The following PLA2G12B variants were observed in gnomAD, a reference collection of about 807,000 sequenced individuals.
PLA2G12B encodes group XIIB secretory phospholipase A2-like protein.
In PLA2G12B, 19 loss-of-function variants were observed where a neutral mutation model predicts 22.3. The observed-to-expected ratio is 0.85, with a 90% CI of 0.60 to 1.25. The LOEUF is 1.25. PLA2G12B is among the 50% of genes most tolerant of loss of function. The pLI, the probability that PLA2G12B is intolerant of heterozygous loss-of-function variation, is 0.00. For missense variants in PLA2G12B, 191 were observed against 246.6 expected (o/e 0.77, Z 1.51); for synonymous variants, 81 against 94.9 (o/e 0.85, Z 0.85).
chr10:72,952,615 C>T (rs1002131034), intron 1 of PLA2G12B, among the ~76,000 whole-genome samples: 1 of 152,198 alleles, frequency 6.6e-6, no homozygotes, highest in African/African-American at 2.4e-5. Flanking sequence ...AAAGATTGCT[C>T]GATTCACAAT....
chr10:72,941,484 A>C (rs1409180703), intron 2 of PLA2G12B, 150 bp from the exon 3 acceptor site: 1 of 698,188 alleles, frequency 1.4e-6, no homozygotes, highest in African/African-American at 1.8e-5. Context: ...CCAATGACTC[A>C]GTAGAATACC....
rs1458580386 is a variant in PLA2G12B, at chr10:72,941,159, A to G, written c.466+10T>C. ...TCCCTGTGCACTGTACGTGCCATTG[A>G]GACACCTACCTTCCACTTTGGAGAC... On this transcript the variant is annotated intron_variant, in intron 3 of 3. Transcript: ENST00000373032. 6.2e-7 allele frequency: 1 copy of G among 1,613,290 alleles called. No individual in the cohort carries two copies. The highest frequency in any genetic ancestry group is 1.1e-5 in the South Asian group (1 of 91,022).
chr10:72,939,822 G>A (rs1156930612), intron 3 of PLA2G12B, among the ~76,000 whole-genome samples: 1 of 152,242 alleles, frequency 6.6e-6, no homozygotes, highest in African/African-American at 2.4e-5. Context: ...GGCATACTGA[G>A]GAGTTTGGAT....
chr10:72,938,564 T>G (rs1246719435), intron 3 of PLA2G12B, among the ~76,000 whole-genome samples: 3 of 152,112 alleles, frequency 2.0e-5, no homozygotes, highest in Non-Finnish European at 2.9e-5. Flanking sequence ...AAATAAAATT[T>G]AAATACAATT....
intron 1 of PLA2G12B, among the ~76,000 whole-genome samples, chr10:72,944,124 C>G (rs186145589): frequency 6.6e-6 from 1 of 151,278 alleles, no homozygotes; most frequent in African/African-American, 2.4e-5. Flanking sequence ...TCTTCTCCTA[C>G]CAGGTATTTA....
chr10:72,938,092 T>G (rs1473282826), intron 3 of PLA2G12B, among the ~76,000 whole-genome samples: 2 of 143,902 alleles, frequency 1.4e-5, no homozygotes, highest in Admixed American at 7.2e-5. Flanking sequence ...CCAGCCTGGG[T>G]GTAAGAGTGA....
At chr10:72,936,599 G>GT (rs1417487551) in intron 3 of PLA2G12B, among the ~76,000 whole-genome samples, 1 of 152,130 alleles carries the variant, frequency 6.6e-6, no homozygotes. Flanking sequence ...CTGGGGTGGG[G>GT]TAGGGGAGGT....
chr10:72,948,865 A>G (rs181428224), intron 1 of PLA2G12B, among the ~76,000 whole-genome samples: 19 of 152,372 alleles, frequency 1.2e-4, no homozygotes, highest in African/African-American at 4.3e-4. Context: ...GTCTTAAAAG[A>G]CCAACTGGAG....
chr10:72,935,354 G>T lies in PLA2G12B; in HGVS notation c.*263C>A. The T allele has an allele frequency of 2.8e-6, 1 of 352,644 alleles. No homozygotes were observed. Among genetic ancestry groups the T allele is most frequent in the Non-Finnish European group, 5.1e-6 (1 of 196,988 alleles). The allele number at this position is 352,644 out of a possible 1,614,324, so 21.8% of individuals were successfully genotyped here. A position where few individuals can be genotyped will look rare whatever the true frequency, so the allele number is the denominator to read the frequency against. On this transcript the variant is annotated 3_prime_UTR_variant, in exon 4 of 4. Transcript: ENST00000373032. ...GCTTGCATTTTAGTCTTTAAGCTAA[G>T]AACTGAATTTCCAGGCAAATGTGTC...
intron 3 of PLA2G12B, among the ~76,000 whole-genome samples, chr10:72,939,511 A>G (rs754291186): frequency 3.0e-4 from 45 of 152,352 alleles, no homozygotes; most frequent in Admixed American, 2.4e-3. Context: ...CGGGTTGGAA[A>G]CACTCTTTTT....
intron 3 of PLA2G12B, among the ~76,000 whole-genome samples, chr10:72,939,319 C>T (rs1471478832): frequency 6.6e-6 from 1 of 152,182 alleles, no homozygotes; most frequent in East Asian, 1.9e-4. Flanking sequence ...GCCATCAACC[C>T]AAGGAGTTTG....
intron 3 of PLA2G12B, among the ~76,000 whole-genome samples, chr10:72,936,154 G>C (rs1257333763): frequency 1.3e-5 from 2 of 152,090 alleles, no homozygotes; most frequent in Non-Finnish European, 2.9e-5. Flanking sequence ...TTCATTGATG[G>C]AAAAACATTT....
chr10:72,937,965 T>G (rs1228158977), intron 3 of PLA2G12B, among the ~76,000 whole-genome samples: 1 of 151,684 alleles, frequency 6.6e-6, no homozygotes, highest in Non-Finnish European at 1.5e-5. Context: ...AATACAAAAA[T>G]TAGCTGGGCA....
chr10:72,940,156 A>T (rs1435182441), intron 3 of PLA2G12B, among the ~76,000 whole-genome samples: 2 of 151,922 alleles, frequency 1.3e-5, no homozygotes, highest in African/African-American at 4.8e-5. Flanking sequence ...TCACACCTTC[A>T]CCTCCAGACT....
intron 1 of PLA2G12B, among the ~76,000 whole-genome samples, chr10:72,946,922 CTT>C (rs971582524): frequency 3.5e-5 from 5 of 143,192 alleles, no homozygotes; most frequent in Non-Finnish European, 3.1e-5. Flanking sequence ...TTTTCATCTT[CTT>C]TTTTTTTTTT....
chr10:72,949,777 G>A (rs1589546048), intron 1 of PLA2G12B, among the ~76,000 whole-genome samples: 1 of 152,136 alleles, frequency 6.6e-6, no homozygotes, highest in African/African-American at 2.4e-5. Context: ...ATGAGTTCGA[G>A]ACCAGCCTGG....
chr10:72,936,281 T>A lies in PLA2G12B; in HGVS notation c.467-543A>T, dbSNP rs1053393713. ...ATAAAGAGGTGGACAGGTAAACAGA[T>A]AGCTACACTACCTCATGATGAAAAT... On this transcript the variant is annotated intron_variant, in intron 3 of 3. Transcript: ENST00000373032. Among the ~76,000 whole-genome samples, 4 of 152,120 alleles carry A rather than the reference T, an allele frequency of 2.6e-5. No homozygotes were observed. In the East Asian group the frequency reaches 7.7e-4, roughly 29 times the overall value.
At chr10:72,940,679 A>T (rs527875567) in intron 3 of PLA2G12B, among the ~76,000 whole-genome samples, 129 of 151,964 alleles carry the variant, frequency 8.5e-4, no homozygotes, top group African/African-American at 2.5e-3. Flanking sequence ...CTCAAAAAAA[A>T]TTTTTTTTAA....
In PLA2G12B at chr10:72,935,413, GC is replaced by G; in HGVS notation, c.*203del. 3 of 658,908 alleles carry G rather than the reference GC, an allele frequency of 4.6e-6. No individual in the cohort carries two copies. The highest frequency in any genetic ancestry group is 7.3e-6 in the Non-Finnish European group (3 of 413,040). The allele number at this position is 658,908 out of a possible 1,614,324, so 40.8% of individuals were successfully genotyped here. On this transcript the variant is annotated 3_prime_UTR_variant, in exon 4 of 4. Coordinates refer to ENST00000373032, the MANE Select transcript of PLA2G12B (RefSeq NM_032562.5). ...GGAGAGCAGTCTTAAATGAAGAGTA[GC>G]TTTCAAACCACTCCATGTCTTTTTT...
Sources: gnomAD v4.1 joint callset for allele counts (sites outside exome capture counted in the v4.1 genomes callset) on GRCh38, gnomAD v4.1.1 for gene constraint, MANE v1.5 for transcripts, NCBI Gene and HGNC (gene_info 2026-07-23, HGNC 2026-07-21) for gene names.